Variants in NEK11 observed in about 807,000 individuals in gnomAD.
NEK11 encodes NIMA related kinase 11.
In NEK11, 72 loss-of-function variants were observed where a neutral mutation model predicts 80.7. That is an observed-to-expected ratio of 0.89 (90% confidence interval 0.74 to 1.08). The LOEUF is 1.08. NEK11 is among the 50% of genes least tolerant of loss of function. NEK11 has a pLI of 0.00. For synonymous variants in NEK11, 251 were observed against 260.7 expected, an observed-to-expected ratio of 0.96 and a Z score of 0.36; for missense variants, 764 against 763.6, an observed-to-expected ratio of 1.00 and a Z score of -0.01.
intron 4 of NEK11, among the ~76,000 whole-genome samples, chr3:131,082,335 G>T (rs956168095): frequency 2.0e-5 from 3 of 152,048 alleles, no homozygotes; most frequent in South Asian, 4.2e-4. Flanking sequence ...TGTTATTTTA[G>T]AAACAACTGA....
intron 5 of NEK11, among the ~76,000 whole-genome samples, chr3:131,110,796 C>A (rs932537577): frequency 2.0e-5 from 3 of 152,080 alleles, no homozygotes; most frequent in Admixed American, 6.6e-5. Context: ...TACTTTCTGA[C>A]AGCATAAAAA....
intron 17 of NEK11, chr3:131,325,890 A>G (rs1277342870): frequency 2.0e-5 from 3 of 152,218 alleles, no homozygotes; most frequent in African/African-American, 7.2e-5. Context: ...CAGTTAGCTA[A>G]AAAGTTGTGA....
chr3:131,235,328 T>C (rs1236886350), intron 15 of NEK11, among the ~76,000 whole-genome samples: 1 of 152,140 alleles, frequency 6.6e-6, no homozygotes, highest in Non-Finnish European at 1.5e-5. Context: ...CTAGCTATCA[T>C]CAGAGCTGAG....
At chr3:131,297,909 A>G (rs2109096428) in intron 17 of NEK11, among the ~76,000 whole-genome samples, 1 of 152,148 alleles carries the variant, frequency 6.6e-6, no homozygotes, top group Non-Finnish European at 1.5e-5. Flanking sequence ...AGCACCATTT[A>G]TTAAATAGGG....
chr3:131,100,492 C>G (rs1244347770), intron 4 of NEK11, among the ~76,000 whole-genome samples: 1 of 152,142 alleles, frequency 6.6e-6, no homozygotes, highest in Non-Finnish European at 1.5e-5. Flanking sequence ...ATCGTGTGAA[C>G]CTGGGAGGCC....
chr3:131,204,093 AC>A (rs1172473602), intron 14 of NEK11, among the ~76,000 whole-genome samples: 1 of 151,964 alleles, frequency 6.6e-6, no homozygotes, highest in East Asian at 1.9e-4. Flanking sequence ...TCACATTTTG[AC>A]ACAGTTATCC....
chr3:131,254,406 CTTAAGCAAGGGAAGTTTCTAAGGGA>C (rs1489749142), intron 16 of NEK11, among the ~76,000 whole-genome samples: 1 of 152,148 alleles, frequency 6.6e-6, no homozygotes, highest in Non-Finnish European at 1.5e-5. Context: ...GTTTGAAGAG[CTTAAGCAAGGGAAGTTTCTAAGGGA>C]TTCAGAAGCC....
chr3:131,285,746 A>G (rs1303885509), intron 17 of NEK11, among the ~76,000 whole-genome samples: 1 of 152,134 alleles, frequency 6.6e-6, no homozygotes, highest in East Asian at 1.9e-4. Flanking sequence ...ATCCTTGCCT[A>G]TTGTTTTCTA....
At chr3:131,049,526 T>C (rs1199262592) in intron 3 of NEK11, among the ~76,000 whole-genome samples, 1 of 152,194 alleles carries the variant, frequency 6.6e-6, no homozygotes, top group Non-Finnish European at 1.5e-5. Context: ...GTCATTTCTT[T>C]AATTGGTATT....
chr3:131,216,644 G>A (rs7645052), intron 14 of NEK11, among the ~76,000 whole-genome samples: 2,635 of 151,646 alleles, frequency 0.017, 78 homozygotes, highest in African/African-American at 0.06. Flanking sequence ...TGTAAGACAT[G>A]ATGCCAATGG....
chr3:131,334,954 A>C (rs1405674703), intron 17 of NEK11, among the ~76,000 whole-genome samples: 1 of 152,180 alleles, frequency 6.6e-6, no homozygotes, highest in Non-Finnish European at 1.5e-5. Flanking sequence ...CAATAACAGG[A>C]TCTGAAATTG....
intron 14 of NEK11, among the ~76,000 whole-genome samples, chr3:131,199,751 T>A (rs578233510): frequency 2.6e-5 from 4 of 152,164 alleles, no homozygotes; most frequent in Non-Finnish European, 5.9e-5. Context: ...CCAGCAAGAT[T>A]TCAGTAGATT....
chr3:131,312,569 A>G (rs1406190084), intron 17 of NEK11, among the ~76,000 whole-genome samples: 1 of 152,184 alleles, frequency 6.6e-6, no homozygotes, highest in South Asian at 2.1e-4. Flanking sequence ...TGAGGAATCT[A>G]TTCATAGCCT....
chr3:131,262,062 A>G (rs1268282696), intron 16 of NEK11, among the ~76,000 whole-genome samples: 1 of 152,196 alleles, frequency 6.6e-6, no homozygotes, highest in Non-Finnish European at 1.5e-5. Flanking sequence ...AAAAGAGAAG[A>G]TTCAAATTAA....
At chr3:131,155,585 A>C (rs1378971413) in intron 10 of NEK11, among the ~76,000 whole-genome samples, 1 of 152,230 alleles carries the variant, frequency 6.6e-6, no homozygotes, top group Non-Finnish European at 1.5e-5. Context: ...CATAAGAACT[A>C]AACATTGTAT....
intron 14 of NEK11, among the ~76,000 whole-genome samples, chr3:131,194,478 A>G (rs1030777069): frequency 3.3e-5 from 5 of 152,160 alleles, no homozygotes; most frequent in Admixed American, 2.6e-4. Context: ...ACTTGGAGTC[A>G]GAAATGCATA....
At chr3:131,115,786 A>G (rs1253435679) in intron 5 of NEK11, among the ~76,000 whole-genome samples, 1 of 152,130 alleles carries the variant, frequency 6.6e-6, no homozygotes, top group East Asian at 1.9e-4. Context: ...AGGAGAGAAC[A>G]GGGCTGGGCA....
At chr3:131,132,843 C>T in intron 6 of NEK11, 34 bp downstream of exon 6, 1 of 954,772 alleles carries the variant, frequency 1.0e-6, no homozygotes, top group Admixed American at 2.4e-5. Context: ...TCCAAAAACG[C>T]AGAACAGTAT....
Position 131,080,462 on chromosome 3 carries a change from A to C in NEK11, c.210A>C (p.Pro70=), listed in dbSNP as rs761662804. The C allele has an allele frequency of 3.7e-6, 6 of 1,612,396 alleles. No homozygotes were observed. Among genetic ancestry groups the C allele is most frequent in the Non-Finnish European group, 5.1e-6 (6 of 1,179,602 alleles). The change falls in exon 4 of 18, where the codon CCA becomes CCC. Residue 70 remains proline (P), a synonymous_variant. Coordinates refer to ENST00000383366, the MANE Select transcript of NEK11 (RefSeq NM_024800.5). The part of the protein sequence containing the change: ...LKEISVGELN[P]NETVQANLEA... ...AAATATCTGTTGGAGAACTAAATCC[A>C]AATGAAACTGTACAGGCCAATTTGG...
Sources: gnomAD v4.1 joint callset for allele counts (sites outside exome capture counted in the v4.1 genomes callset) on GRCh38, gnomAD v4.1.1 for gene constraint, MANE v1.5 for transcripts, NCBI Gene and HGNC (gene_info 2026-07-23, HGNC 2026-07-21) for gene names.